Variants in ATP8A2 observed in about 807,000 individuals in gnomAD.
ATP8A2 encodes ATPase phospholipid transporting 8A2, also known as phospholipid-transporting ATPase IB.
Under a neutral mutation model 165.6 loss-of-function variants are expected in ATP8A2, and 100 were observed. The observed-to-expected ratio is 0.60, with a 90% CI of 0.51 to 0.71. ATP8A2 has a LOEUF of 0.71. ATP8A2 is among the 30% of genes least tolerant of loss of function. The pLI is 0.00. For synonymous variants in ATP8A2, 543 were observed against 548.8 expected, an observed-to-expected ratio of 0.99 and a Z score of 0.15; for missense variants, 1,227 against 1,479.5, an observed-to-expected ratio of 0.83 and a Z score of 2.80.
chr13:25,943,101 G>A (rs372173378), intron 33 of ATP8A2, among the ~76,000 whole-genome samples: 77 of 152,172 alleles, frequency 5.1e-4, no homozygotes, highest in Non-Finnish European at 5.7e-4. Context: ...GAGAGCATGC[G>A]CCTCCAGGGT....
chr13:25,966,496 C>G (rs1955780900), intron 34 of ATP8A2, among the ~76,000 whole-genome samples: 1 of 152,154 alleles, frequency 6.6e-6, no homozygotes, highest in African/African-American at 2.4e-5. Flanking sequence ...AAATTGCCAG[C>G]CTCCCTTTAC....
intron 27 of ATP8A2, among the ~76,000 whole-genome samples, chr13:25,775,755 G>A (rs950379179): frequency 2.6e-5 from 4 of 152,130 alleles, no homozygotes; most frequent in Non-Finnish European, 4.4e-5. Context: ...TAATTATGGT[G>A]TTTTAATGCT....
chr13:25,963,170 T>G (rs1593635198), intron 34 of ATP8A2, among the ~76,000 whole-genome samples: 2 of 151,200 alleles, frequency 1.3e-5, no homozygotes, highest in African/African-American at 4.8e-5. Context: ...CCGAGGTGGG[T>G]GGATCACAAG....
chr13:25,892,506 T>TCTCTCTCTCTCTCTCCC (rs1953401219), intron 33 of ATP8A2, among the ~76,000 whole-genome samples: 1 of 113,278 alleles, frequency 8.8e-6, no homozygotes, highest in African/African-American at 5.5e-5. Context: ...CTCTCTCTCC[T>TCTCTCTCTCTCTCTCCC]TCCACCTGTG....
At chr13:25,828,311 C>A (rs1197097684) in intron 28 of ATP8A2, 119 bp downstream of exon 28, 2 of 850,392 alleles carry the variant, frequency 2.4e-6, no homozygotes, top group South Asian at 1.5e-5. Flanking sequence ...TAGCAGGCAG[C>A]ACAAATACAT....
chr13:25,409,222 A>G (rs2033897057), intron 1 of ATP8A2, among the ~76,000 whole-genome samples: 1 of 152,210 alleles, frequency 6.6e-6, no homozygotes, highest in African/African-American at 2.4e-5. Flanking sequence ...AGGCTCAGTA[A>G]TAATGTCTAT....
At chr13:25,882,935 A>ATGATGATGATGATGG (rs1555284471) in intron 33 of ATP8A2, among the ~76,000 whole-genome samples, 1 of 145,652 alleles carries the variant, frequency 6.9e-6, no homozygotes. Context: ...GATGATGATG[A>ATGATGATGATGATGG]TGATGGTGAT....
chr13:25,409,245 C>G (rs775163595), intron 1 of ATP8A2, among the ~76,000 whole-genome samples: 1 of 151,990 alleles, frequency 6.6e-6, no homozygotes. Context: ...TGTCTATTTA[C>G]GGAAAATGAA....
At chr13:25,906,412 C>A (rs186058179) in intron 33 of ATP8A2, among the ~76,000 whole-genome samples, 4 of 152,234 alleles carry the variant, frequency 2.6e-5, no homozygotes, top group African/African-American at 7.2e-5. Context: ...TATTTCTCTT[C>A]CAGGATTAGG....
At chr13:25,892,758 A>T (rs968668357) in intron 33 of ATP8A2, among the ~76,000 whole-genome samples, 2 of 150,812 alleles carry the variant, frequency 1.3e-5, no homozygotes, top group African/African-American at 4.9e-5. Flanking sequence ...GTATGGGGCC[A>T]CAGTTTGGGT....
At chr13:25,432,885 T>G (rs76558659) in intron 1 of ATP8A2, among the ~76,000 whole-genome samples, 1 of 152,188 alleles carries the variant, frequency 6.6e-6, no homozygotes. Context: ...AGGGTCAGTT[T>G]GTGACCCGTG....
At chr13:25,506,354 C>T (rs907754072) in intron 2 of ATP8A2, among the ~76,000 whole-genome samples, 1 of 152,112 alleles carries the variant, frequency 6.6e-6, no homozygotes, top group Non-Finnish European at 1.5e-5. Context: ...CCTATTTATG[C>T]AAGGTATAGA....
intron 27 of ATP8A2, among the ~76,000 whole-genome samples, chr13:25,798,249 C>T (rs1331882399): frequency 6.6e-6 from 1 of 152,168 alleles, no homozygotes; most frequent in Non-Finnish European, 1.5e-5. Context: ...AGTTATTCTT[C>T]TGTGAAGACA....
intron 27 of ATP8A2, 23 bp downstream of exon 27, chr13:25,774,982 C>A: frequency 7.4e-7 from 1 of 1,356,146 alleles, no homozygotes; most frequent in Non-Finnish European, 1.0e-6. Flanking sequence ...ATTTTTTTTC[C>A]TTGAAGAGAA....
chr13:25,383,695 G>C (rs1333447517), intron 1 of ATP8A2, among the ~76,000 whole-genome samples: 1 of 151,736 alleles, frequency 6.6e-6, no homozygotes, highest in Non-Finnish European at 1.5e-5. Flanking sequence ...TCTTTTAGAG[G>C]GTATACTTAT....
At chr13:25,583,550 C>A (rs922022797) in intron 23 of ATP8A2, among the ~76,000 whole-genome samples, 2 of 152,156 alleles carry the variant, frequency 1.3e-5, no homozygotes, top group African/African-American at 4.8e-5. Context: ...AGCACCACAG[C>A]TCCCTCTCAC....
chr13:25,572,555 G>T (rs1222757821), intron 18 of ATP8A2, among the ~76,000 whole-genome samples: 1 of 152,164 alleles, frequency 6.6e-6, no homozygotes, highest in Admixed American at 6.5e-5. Flanking sequence ...TTAGTGATAG[G>T]AAAATAATTA....
chr13:25,423,227 T>A (rs2138111071), intron 1 of ATP8A2, among the ~76,000 whole-genome samples: 1 of 152,320 alleles, frequency 6.6e-6, no homozygotes, highest in East Asian at 1.9e-4. Context: ...TTTAAAAAAA[T>A]TAATTAGATC....
chr13:25,968,103 C>T (rs1955823274), intron 34 of ATP8A2, among the ~76,000 whole-genome samples: 1 of 152,186 alleles, frequency 6.6e-6, no homozygotes, highest in South Asian at 2.1e-4. Context: ...GTGGCAGTGG[C>T]TCTTTTCACG....
Sources: allele counts gnomAD v4.1 joint callset (sites outside exome capture counted in the v4.1 genomes callset), GRCh38; gene constraint gnomAD v4.1.1; transcripts MANE v1.5; gene names NCBI Gene and HGNC (gene_info 2026-07-23, HGNC 2026-07-21).